DRC9: variants seen among roughly 807,000 people sequenced by gnomAD.
DRC9 encodes dynein regulatory complex subunit 9.
At chr3:197,895,199 A>G in the DRC9 span, among the ~76,000 whole-genome samples, 1 of 152,250 alleles carries the variant, frequency 6.6e-6, no homozygotes, top group African/African-American at 2.4e-5. Context: ...CAGGCTCCAG[A>G]CAGGCAAAAA....
chr3:197,958,712 A>G, the DRC9 span: 1 of 152,278 alleles, frequency 6.6e-6, no homozygotes, highest in Non-Finnish European at 1.5e-5. Context: ...ATGGCAAATG[A>G]GACTCAAAAG....
At chr3:197,912,619 A>C in the DRC9 span, 2 of 1,142,268 alleles carry the variant, frequency 1.8e-6, no homozygotes, top group Admixed American at 4.1e-5. Context: ...TTGTTTCCTC[A>C]GTATAAGCAG....
chr3:197,899,098 A>C, the DRC9 span, among the ~76,000 whole-genome samples: 1 of 152,204 alleles, frequency 6.6e-6, no homozygotes, highest in Middle Eastern at 3.2e-3. Context: ...TACAAAAAAG[A>C]CTCATAAAGA....
At chr3:197,921,603 A>C in the DRC9 span, among the ~76,000 whole-genome samples, 15 of 149,134 alleles carry the variant, frequency 1.0e-4, no homozygotes, top group African/African-American at 3.0e-4. Flanking sequence ...CTGCGGATTT[A>C]ACCTGGTTTC....
the DRC9 span, among the ~76,000 whole-genome samples, chr3:197,951,847 G>A: frequency 6.6e-6 from 1 of 152,112 alleles, no homozygotes; most frequent in East Asian, 1.9e-4. Context: ...ACAGGGGTGT[G>A]CCACCACGCC....
the DRC9 span, among the ~76,000 whole-genome samples, chr3:197,930,254 A>C: frequency 6.6e-6 from 1 of 152,110 alleles, no homozygotes; most frequent in Non-Finnish European, 1.5e-5. Context: ...GGGCTGAGGC[A>C]GGAGGATTGC....
chr3:197,938,662 C>G, the DRC9 span: 1 of 1,614,150 alleles, frequency 6.2e-7, no homozygotes, highest in South Asian at 1.1e-5. Context: ...GCCTCTGTGT[C>G]TGATTTCTGG....
the DRC9 span, among the ~76,000 whole-genome samples, chr3:197,893,401 A>G: frequency 6.6e-6 from 1 of 150,800 alleles, no homozygotes; most frequent in African/African-American, 2.4e-5. Context: ...AGGGTAATCT[A>G]GATGTCTGGA....
chr3:197,943,866 G>A, the DRC9 span: 16 of 1,613,962 alleles, frequency 9.9e-6, no homozygotes, highest in South Asian at 8.8e-5. Context: ...CAGAACTGCC[G>A]AGATCCTCAG....
At chr3:197,955,539 G>C in the DRC9 span, among the ~76,000 whole-genome samples, 1 of 152,114 alleles carries the variant, frequency 6.6e-6, no homozygotes, top group East Asian at 1.9e-4. Flanking sequence ...TGGGATTACA[G>C]GTGTGAGCCA....
At chr3:197,953,021 G>A in the DRC9 span, among the ~76,000 whole-genome samples, 2 of 151,142 alleles carry the variant, frequency 1.3e-5, no homozygotes, top group Non-Finnish European at 3.0e-5. Flanking sequence ...GGCTGGTCTC[G>A]AACTCCTGAC....
the DRC9 span, among the ~76,000 whole-genome samples, chr3:197,904,093 TATATATATATATATATA>T: frequency 1.3e-4 from 5 of 39,290 alleles, no homozygotes; most frequent in Non-Finnish European, 1.5e-4. Flanking sequence ...CATACATATA[TATATATATATATATATA>T]TTTTTTTTTT....
the DRC9 span, among the ~76,000 whole-genome samples, chr3:197,910,336 T>C: frequency 6.6e-6 from 1 of 152,146 alleles, no homozygotes; most frequent in Non-Finnish European, 1.5e-5. Flanking sequence ...TACTTATGTA[T>C]TGCTTGTGTT....
the DRC9 span, chr3:197,959,081 C>G: frequency 3.1e-4 from 47 of 152,266 alleles, no homozygotes; most frequent in African/African-American, 1.1e-3. Context: ...GTGGCGGGTG[C>G]CTGTAATCCC....
At chr3:197,913,278 C>T in the DRC9 span, 255 of 185,980 alleles carry the variant, frequency 1.4e-3, no homozygotes, top group African/African-American at 5.1e-3. Flanking sequence ...CCTCCTGCCT[C>T]ACTGCCTCAC....
the DRC9 span, chr3:197,954,522 T>G: frequency 5.9e-6 from 2 of 337,012 alleles, no homozygotes; most frequent in Non-Finnish European, 1.1e-5. Flanking sequence ...TTTGTTGTGT[T>G]TTTTTGAGAC....
the DRC9 span, among the ~76,000 whole-genome samples, chr3:197,917,249 C>T: frequency 5.6e-3 from 858 of 152,266 alleles, 8 homozygotes; most frequent in African/African-American, 0.019. Flanking sequence ...CCCCGGAGGC[C>T]GAGGCTGCAG....
the DRC9 span, chr3:197,913,904 C>A: frequency 6.8e-6 from 11 of 1,614,032 alleles, no homozygotes; most frequent in East Asian, 2.2e-5. Flanking sequence ...ACCAAGAGTT[C>A]CTCTGTTCTG....
At chr3:197,944,614 A>G in the DRC9 span, among the ~76,000 whole-genome samples, 1 of 151,898 alleles carries the variant, frequency 6.6e-6, no homozygotes, top group Non-Finnish European at 1.5e-5. Context: ...ACACCTGGCT[A>G]ATTTTTTGTA....
Sources: gnomAD v4.1 joint callset for allele counts (sites outside exome capture counted in the v4.1 genomes callset) on GRCh38, gnomAD v4.1.1 for gene constraint, MANE v1.5 for transcripts, NCBI Gene and HGNC (gene_info 2026-07-23, HGNC 2026-07-21) for gene names.